The following EGF variants were observed in gnomAD, a reference collection of about 807,000 sequenced individuals.
The protein encoded by EGF is epidermal growth factor.
A neutral mutation model predicts 143.8 loss-of-function variants in EGF; 95 were observed. The ratio of observed to expected loss-of-function variants is 0.66; its 90% CI spans 0.56 to 0.78. The LOEUF is 0.78. Among genes scored for constraint, EGF ranks in the 30% least tolerant of loss-of-function variants. EGF has a pLI of 0.00. For missense variants in EGF, 1,320 were observed against 1,470.9 expected (o/e 0.90, Z 1.68); for synonymous variants, 510 against 510.5 (o/e 1.00, Z 0.01).
At position 110,011,599 on chromosome 4, in the gene EGF, T is replaced by A; in HGVS notation, c.*144T>A. 1.6e-6 allele frequency: 2 copies of A among 1,267,750 alleles called. No individual in the cohort carries two copies. The highest frequency in any genetic ancestry group is 2.1e-5 in the Admixed American group (1 of 47,570). The allele number at this position is 1,267,750 out of a possible 1,614,324, so 78.5% of individuals were successfully genotyped here. On this transcript the variant is annotated 3_prime_UTR_variant, in exon 24 of 24. Coordinates refer to ENST00000265171, the MANE Select transcript of EGF (RefSeq NM_001963.6). ...TACTCAATGCCTGGAGACAGATACG[T>A]AGTTGTGCTTTTGTTTGCTCTTTTA...
Position 109,972,339 on chromosome 4 carries a change from G to C in EGF, c.1725-2364G>C, listed in dbSNP as rs189186828. On this transcript the variant is annotated intron_variant, in intron 11 of 23. Coordinates refer to ENST00000265171, the MANE Select transcript of EGF (RefSeq NM_001963.6). ...GGGAGCTTTAAAAGTAAATTCCAGCGATCTTGCCTTGAGACAGCTGCACAG... is the reference window on the plus strand; with the variant it reads ...GGGAGCTTTAAAAGTAAATTCCAGCCATCTTGCCTTGAGACAGCTGCACAG... Among the ~76,000 whole-genome samples, 7 of 152,248 alleles carry C rather than the reference G, an allele frequency of 4.6e-5. No individual in the cohort carries two copies. In the East Asian group the frequency reaches 1.3e-3, roughly 29 times the overall value.
chr4:109,929,328 G>C (rs1218918422), intron 1 of EGF, among the ~76,000 whole-genome samples: 1 of 152,110 alleles, frequency 6.6e-6, no homozygotes, highest in African/African-American at 2.4e-5. Context: ...CTGTAAAATA[G>C]AGATGTTGAG....
chr4:109,923,986 G>T (rs995666513), intron 1 of EGF, among the ~76,000 whole-genome samples: 1 of 151,684 alleles, frequency 6.6e-6, no homozygotes, highest in African/African-American at 2.4e-5. Context: ...TTCACAGAAA[G>T]TAGAGGTTAA....
chr4:109,913,683 T>C (rs1736097930), intron 1 of EGF, among the ~76,000 whole-genome samples: 1 of 152,242 alleles, frequency 6.6e-6, no homozygotes, highest in East Asian at 1.9e-4. Context: ...TACTTCTGTG[T>C]ATAAGTGAAT....
At chr4:110,001,684 T>C in intron 21 of EGF, 2 of 985,448 alleles carry the variant, frequency 2.0e-6, no homozygotes, top group Non-Finnish European at 2.4e-6. Context: ...GCTGGCTTTT[T>C]AAACTTGGAA....
At chr4:109,934,533 T>A (rs1740407141) in intron 1 of EGF, among the ~76,000 whole-genome samples, 1 of 152,244 alleles carries the variant, frequency 6.6e-6, no homozygotes. Flanking sequence ...CTGATGATAG[T>A]TTCTTTTGCT....
At chr4:109,996,558 T>C (rs1439456080) in intron 20 of EGF, among the ~76,000 whole-genome samples, 1 of 152,230 alleles carries the variant, frequency 6.6e-6, no homozygotes, top group Admixed American at 6.5e-5. Context: ...AATTCCTTAA[T>C]AACAAGTCTC....
intron 21 of EGF, among the ~76,000 whole-genome samples, chr4:110,000,347 T>G (rs1405107621): frequency 6.6e-6 from 1 of 152,192 alleles, no homozygotes; most frequent in Non-Finnish European, 1.5e-5. Flanking sequence ...TACGTTTTCC[T>G]TGTTCCATTC....
At chr4:109,987,266 A>C (rs1473585978) in intron 16 of EGF, among the ~76,000 whole-genome samples, 1 of 152,210 alleles carries the variant, frequency 6.6e-6, no homozygotes, top group Non-Finnish European at 1.5e-5. Flanking sequence ...GAGGGCACAT[A>C]AACAGAAACA....
At chr4:109,991,155 G>T (rs1750875880) in intron 18 of EGF, among the ~76,000 whole-genome samples, 1 of 152,040 alleles carries the variant, frequency 6.6e-6, no homozygotes, top group Non-Finnish European at 1.5e-5. Context: ...AAATGAAACA[G>T]GTGAAATGAA....
intron 10 of EGF, among the ~76,000 whole-genome samples, chr4:109,965,588 C>A (rs1046423770): frequency 3.9e-5 from 6 of 152,094 alleles, no homozygotes; most frequent in Non-Finnish European, 8.8e-5. Context: ...AGTATTCTTA[C>A]AACAAGTGAA....
intron 23 of EGF, among the ~76,000 whole-genome samples, chr4:110,009,025 T>C (rs1753677187): frequency 6.6e-6 from 1 of 152,230 alleles, no homozygotes; most frequent in Non-Finnish European, 1.5e-5. Context: ...GAATTTTCTA[T>C]ATTTTTCCTT....
chr4:109,996,913 A>AC (rs1328160604), intron 20 of EGF, among the ~76,000 whole-genome samples: 3 of 151,320 alleles, frequency 2.0e-5, no homozygotes, highest in South Asian at 2.1e-4. Flanking sequence ...TTAGACCAAG[A>AC]CCCCCCAACA....
intron 1 of EGF, among the ~76,000 whole-genome samples, chr4:109,923,650 C>T (rs1248059498): frequency 6.6e-6 from 1 of 151,480 alleles, no homozygotes; most frequent in African/African-American, 2.5e-5. Context: ...GACAGGGTCT[C>T]ACTCTTGTCA....
At chr4:109,956,281 C>T (rs1407680038) in intron 5 of EGF, among the ~76,000 whole-genome samples, 1 of 152,086 alleles carries the variant, frequency 6.6e-6, no homozygotes, top group African/African-American at 2.4e-5. Context: ...ATTCAGTTTC[C>T]CTGATTGGTA....
intron 16 of EGF, 122 bp downstream of exon 16, chr4:109,983,663 CA>C (rs1749714993): frequency 1.5e-6 from 2 of 1,351,240 alleles, no homozygotes; most frequent in Non-Finnish European, 2.1e-6. Flanking sequence ...CTAATGAAAC[CA>C]AACCTTGGAC....
chr4:110,005,395 T>G (rs1295350087), intron 22 of EGF, among the ~76,000 whole-genome samples: 2 of 152,164 alleles, frequency 1.3e-5, no homozygotes, highest in African/African-American at 4.8e-5. Context: ...TTCTTAATAT[T>G]TCTTTTCTCA....
intron 1 of EGF, among the ~76,000 whole-genome samples, chr4:109,919,333 CTCTCTCT>C (rs1737350823): frequency 7.3e-6 from 1 of 137,332 alleles, no homozygotes; most frequent in East Asian, 2.2e-4. Flanking sequence ...CTCTCTCTCT[CTCTCTCT>C]CATCTCTCTC....
chr4:109,949,874 C>T (rs1270013102), intron 5 of EGF, among the ~76,000 whole-genome samples: 2 of 152,154 alleles, frequency 1.3e-5, no homozygotes, highest in African/African-American at 4.8e-5. Flanking sequence ...AAGTCCTTGC[C>T]TTGTAGATTC....
Sources: gnomAD v4.1 joint callset for allele counts (sites outside exome capture counted in the v4.1 genomes callset) on GRCh38, gnomAD v4.1.1 for gene constraint, MANE v1.5 for transcripts, NCBI Gene and HGNC (gene_info 2026-07-23, HGNC 2026-07-21) for gene names.